The following FLT1 variants were observed in gnomAD, a reference collection of about 807,000 sequenced individuals.
FLT1 encodes the protein vascular endothelial growth factor receptor 1.
Under a neutral mutation model 156.3 loss-of-function variants are expected in FLT1, and 49 were observed. That is an observed-to-expected ratio of 0.31 (90% CI 0.25 to 0.40). The LOEUF is 0.40. Among genes scored for constraint, FLT1 ranks in the 10% least tolerant of loss-of-function variants. The pLI is 1.00. For missense variants in FLT1, 1,322 were observed against 1,637.2 expected, an observed-to-expected ratio of 0.81 and a Z score of 3.32; for synonymous variants, 594 against 583.8, an observed-to-expected ratio of 1.02 and a Z score of -0.25.
At chr13:28,389,600 G>T in intron 13 of FLT1, 196 bp downstream of exon 13, 1 of 1,454,124 alleles carries the variant, frequency 6.9e-7, no homozygotes. Context: ...TATCATCTCC[G>T]AACTCATTTT....
At chr13:28,430,631 A>G (rs1340334698) in intron 7 of FLT1, among the ~76,000 whole-genome samples, 3 of 152,198 alleles carry the variant, frequency 2.0e-5, no homozygotes, top group Non-Finnish European at 2.9e-5. Context: ...TTTCCTTTTC[A>G]GCAATGGAAA....
At position 28,319,453 on chromosome 13, in the gene FLT1, C is replaced by T. The variant is rs752645756; in HGVS notation, c.3256G>A (p.Gly1086Arg). ...GAGAAGATTTCCCACAGCAATACTC[C>T]GTAAGACCACACGTCGCTCTTGGTG... ...YSTKSDVWSY[G>R]VLLWEIFSLG... is the part of the protein sequence containing the mutation. The change falls in exon 24 of 30, where the codon GGA becomes AGA. Residue 1086 changes from glycine (G) to arginine (R), a missense_variant. Physicochemically the swap from Gly to Arg is moderately radical, Grantham distance 125 (BLOSUM62 -2). Coordinates refer to ENST00000282397, the MANE Select transcript of FLT1 (RefSeq NM_002019.4). 1.4e-5 allele frequency: 22 copies of T among 1,613,396 alleles called. No individual in the cohort carries two copies. The highest frequency in any genetic ancestry group is 2.2e-5 in the South Asian group (2 of 91,016).
At chr13:28,399,529 G>A (rs1331265775) in intron 11 of FLT1, among the ~76,000 whole-genome samples, 1 of 152,130 alleles carries the variant, frequency 6.6e-6, no homozygotes, top group Non-Finnish European at 1.5e-5. Flanking sequence ...CAAGTCAGAT[G>A]TATACATTTG....
At chr13:28,394,042 A>T (rs928717273) in intron 12 of FLT1, among the ~76,000 whole-genome samples, 6 of 152,170 alleles carry the variant, frequency 3.9e-5, no homozygotes, top group Non-Finnish European at 7.4e-5. Flanking sequence ...ATATATGTTC[A>T]TTTTTTTCAA....
chr13:28,466,018 C>A (rs917303543), intron 3 of FLT1, among the ~76,000 whole-genome samples: 2 of 152,024 alleles, frequency 1.3e-5, no homozygotes. Context: ...TGATTCTGTG[C>A]CTGAAGTGCC....
chr13:28,391,886 T>C (rs1452758871), intron 12 of FLT1, among the ~76,000 whole-genome samples: 1 of 151,802 alleles, frequency 6.6e-6, no homozygotes, highest in Non-Finnish European at 1.5e-5. Context: ...TGACCCGCTC[T>C]CAAAACCTTC....
chr13:28,455,928 C>T (rs1397329144), intron 3 of FLT1, among the ~76,000 whole-genome samples: 1 of 152,204 alleles, frequency 6.6e-6, no homozygotes, highest in Non-Finnish European at 1.5e-5. Flanking sequence ...GAGACCATTA[C>T]ATACTTATTA....
intron 10 of FLT1, among the ~76,000 whole-genome samples, chr13:28,412,385 T>TTCTTTCTTTCTTTCTTTCTTTCC (rs1876326892): frequency 1.2e-5 from 1 of 84,940 alleles, no homozygotes; most frequent in African/African-American, 3.7e-5. Context: ...TCTTTCTTTC[T>TTCTTTCTTTCTTTCTTTCTTTCC]TTCTTTCTTT....
intron 19 of FLT1, 37 bp downstream of exon 19, chr13:28,329,578 A>AG (rs771294377): frequency 1.2e-5 from 17 of 1,399,564 alleles, no homozygotes; most frequent in Non-Finnish European, 1.6e-5. Context: ...CAGCCTGTGC[A>AG]GGGGGAGACG....
chr13:28,341,339 A>G (rs965415070), intron 16 of FLT1, among the ~76,000 whole-genome samples: 1 of 152,208 alleles, frequency 6.6e-6, no homozygotes, highest in South Asian at 2.1e-4. Flanking sequence ...GGTGCTTGGC[A>G]TGGAGTCTGC....
chr13:28,391,604 T>C (rs1874724529), intron 12 of FLT1, among the ~76,000 whole-genome samples: 1 of 152,244 alleles, frequency 6.6e-6, no homozygotes, highest in African/African-American at 2.4e-5. Flanking sequence ...AATCGCCACC[T>C]TGGGCACATG....
At chr13:28,309,042 C>T (rs1457065514) in intron 27 of FLT1, 115 bp from the exon 28 acceptor site, 2 of 693,602 alleles carry the variant, frequency 2.9e-6, no homozygotes, top group Non-Finnish European at 5.2e-6. Context: ...CAACAGGAAT[C>T]ACCTAACTCC....
At chr13:28,458,911 G>T (rs1566039477) in intron 3 of FLT1, among the ~76,000 whole-genome samples, 1 of 152,110 alleles carries the variant, frequency 6.6e-6, no homozygotes, top group Non-Finnish European at 1.5e-5. Flanking sequence ...ATGTAGAGGG[G>T]TCTATTTCCC....
At chr13:28,386,209 C>A in intron 13 of FLT1, 1 of 1,054,122 alleles carries the variant, frequency 9.5e-7, no homozygotes, top group Non-Finnish European at 1.1e-6. Flanking sequence ...AATTCCATGT[C>A]CCTGCAGGGT....
chr13:28,360,282 T>A (rs1225836681), intron 14 of FLT1, among the ~76,000 whole-genome samples: 1 of 152,204 alleles, frequency 6.6e-6, no homozygotes, highest in African/African-American at 2.4e-5. Flanking sequence ...ATATGGAGCC[T>A]CTCAAACAAC....
intron 20 of FLT1, among the ~76,000 whole-genome samples, chr13:28,326,323 T>A (rs1434439267): frequency 6.6e-6 from 1 of 152,154 alleles, no homozygotes; most frequent in Non-Finnish European, 1.5e-5. Context: ...ATCCAGGAAG[T>A]CTGATTCCAG....
At chr13:28,319,687 T>G (rs1160441353) in intron 23 of FLT1, among the ~76,000 whole-genome samples, 153 bp from the exon 24 acceptor site, 1 of 152,182 alleles carries the variant, frequency 6.6e-6, no homozygotes, top group Non-Finnish European at 1.5e-5. Flanking sequence ...CACCATAGTA[T>G]GCAGTGTTAC....
chr13:28,331,491 C>T (rs1459972303), intron 18 of FLT1, among the ~76,000 whole-genome samples: 4 of 152,154 alleles, frequency 2.6e-5, no homozygotes, highest in Non-Finnish European at 4.4e-5. Flanking sequence ...AGTGCAGTGG[C>T]GTGATCTTAG....
At chr13:28,368,309 T>A in intron 14 of FLT1, 1 of 539,690 alleles carries the variant, frequency 1.9e-6, no homozygotes, top group Non-Finnish European at 3.0e-6. Flanking sequence ...TGAGCCACCA[T>A]GCCTGGCTAA....
Sources: gnomAD v4.1 joint callset for allele counts (sites outside exome capture counted in the v4.1 genomes callset) on GRCh38, gnomAD v4.1.1 for gene constraint, MANE v1.5 for transcripts, NCBI Gene and HGNC (gene_info 2026-07-23, HGNC 2026-07-21) for gene names.